The following LRRC75A variants were observed in gnomAD, a reference collection of about 807,000 sequenced individuals.
LRRC75A encodes leucine-rich repeat-containing protein 75A.
A neutral mutation model predicts 26.0 loss-of-function variants in LRRC75A; 12 were observed. The observed-to-expected ratio is 0.46, with a 90% CI of 0.30 to 0.75. The LOEUF (loss-of-function observed/expected upper bound fraction) is 0.75. Among genes scored for constraint, LRRC75A ranks in the 30% least tolerant of loss-of-function variants. The probability of loss-of-function intolerance (pLI) is 0.08; values close to 1 mark genes in which losing one functional copy is unlikely to be tolerated. For synonymous variants in LRRC75A, 223 were observed against 219.3 expected, an observed-to-expected ratio of 1.02 and a Z score of -0.15; for missense variants, 410 against 486.6, an observed-to-expected ratio of 0.84 and a Z score of 1.48.
chr17:16,450,537 G>A (rs552782660), intron 2 of LRRC75A, among the ~76,000 whole-genome samples: 1 of 152,228 alleles, frequency 6.6e-6, no homozygotes, highest in East Asian at 1.9e-4. Flanking sequence ...TGTCACTCCT[G>A]TGTGTCACTC....
At chr17:16,444,582 A>C (rs1187100796) in intron 3 of LRRC75A, among the ~76,000 whole-genome samples, 1 of 152,012 alleles carries the variant, frequency 6.6e-6, no homozygotes, top group Non-Finnish European at 1.5e-5. Context: ...CCCTCTTTCA[A>C]GACCATCTTC....
intron 1 of LRRC75A, among the ~76,000 whole-genome samples, chr17:16,487,349 T>C (rs991057995): frequency 2.0e-4 from 30 of 152,248 alleles, no homozygotes; most frequent in Non-Finnish European, 4.4e-4. Context: ...GAGGTCATTA[T>C]GCTCATCTTT....
intron 1 of LRRC75A, among the ~76,000 whole-genome samples, chr17:16,475,628 T>C (rs1386605855): frequency 6.6e-6 from 1 of 152,196 alleles, no homozygotes; most frequent in African/African-American, 2.4e-5. Flanking sequence ...CCTAGCTCAC[T>C]GCAGCCTGGA....
intron 2 of LRRC75A, among the ~76,000 whole-genome samples, chr17:16,458,812 T>C (rs920131649): frequency 1.3e-5 from 2 of 152,044 alleles, no homozygotes; most frequent in Non-Finnish European, 2.9e-5. Context: ...CCTGCAGCCC[T>C]GACCAATGTC....
At chr17:16,487,942 T>C (rs1364203832) in intron 1 of LRRC75A, among the ~76,000 whole-genome samples, 6 of 152,206 alleles carry the variant, frequency 3.9e-5, no homozygotes, top group Non-Finnish European at 7.3e-5. Context: ...CCTCTTCTCA[T>C]GGGAAAGCTG....
At chr17:16,471,393 C>T (rs1160450597) in intron 1 of LRRC75A, among the ~76,000 whole-genome samples, 4 of 152,178 alleles carry the variant, frequency 2.6e-5, no homozygotes, top group Admixed American at 2.0e-4. Flanking sequence ...TTACGGCAGC[C>T]CCAGGAAATG....
chr17:16,471,836 G>A (rs1000281348), intron 1 of LRRC75A, among the ~76,000 whole-genome samples: 2 of 152,204 alleles, frequency 1.3e-5, no homozygotes, highest in African/African-American at 4.8e-5. Context: ...ACTTACGTGA[G>A]GGACCAAGAG....
intron 1 of LRRC75A, among the ~76,000 whole-genome samples, chr17:16,469,213 G>C (rs1467975215): frequency 1.3e-5 from 2 of 152,028 alleles, no homozygotes; most frequent in African/African-American, 4.8e-5. Flanking sequence ...CAGCATCACC[G>C]CTCTCACTGC....
At chr17:16,455,862 C>A (rs1464986372) in intron 2 of LRRC75A, among the ~76,000 whole-genome samples, 1 of 152,210 alleles carries the variant, frequency 6.6e-6, no homozygotes, top group Admixed American at 6.5e-5. Flanking sequence ...GAAATCCTGT[C>A]TTTGGCTTAG....
In LRRC75A at chr17:16,467,012, G is replaced by A. The variant is rs190440163; in HGVS notation, c.247-4626C>T. 2.3e-3 allele frequency among the ~76,000 whole-genome samples: 344 copies of A among 152,278 alleles called. 1 individual carries two copies. Among genetic ancestry groups the A allele is most frequent in the South Asian group, 0.012 (60 of 4,822 alleles). ...CTGTCGCAAGACCCAGTGCAAAAGC[G>A]CAAGTCTGATAGCCGTCTTCTAGAA... On this transcript the variant is annotated intron_variant, in intron 1 of 3. Coordinates refer to ENST00000470794, the MANE Select transcript of LRRC75A (RefSeq NM_001113567.3).
rs2093858916 is a variant in LRRC75A, at chr17:16,492,108, G to C, written c.-118C>G. 1 of 922,518 alleles carries C rather than the reference G, an allele frequency of 1.1e-6. No individual in the cohort carries two copies. Among genetic ancestry groups the C allele is most frequent in the Admixed American group, 5.8e-5 (1 of 17,216 alleles). The allele number at this position is 922,518 out of a possible 1,614,324, so 57.1% of individuals were successfully genotyped here. On this transcript the variant is annotated 5_prime_UTR_variant, in exon 1 of 4. Coordinates refer to ENST00000470794, the MANE Select transcript of LRRC75A (RefSeq NM_001113567.3). ...CCCGGGCTGCAACTTTGGGGGAACTGTTGCGCGCGGGCGTCGCGGGGGCGG... is the reference window on the plus strand; with the variant it reads ...CCCGGGCTGCAACTTTGGGGGAACTCTTGCGCGCGGGCGTCGCGGGGGCGG...
intron 1 of LRRC75A, among the ~76,000 whole-genome samples, chr17:16,485,698 G>A (rs930779205): frequency 6.8e-6 from 1 of 147,222 alleles, no homozygotes; most frequent in Non-Finnish European, 1.5e-5. Context: ...GTGTGTATGC[G>A]TGGGCGCGCA....
chr17:16,461,659 G>A (rs2143128001), intron 2 of LRRC75A, among the ~76,000 whole-genome samples: 1 of 152,360 alleles, frequency 6.6e-6, no homozygotes, highest in East Asian at 1.9e-4. Context: ...AGCCTCAGAG[G>A]TGAAGACATC....
At chr17:16,447,397 C>G (rs2093595131) in intron 3 of LRRC75A, among the ~76,000 whole-genome samples, 1 of 152,134 alleles carries the variant, frequency 6.6e-6, no homozygotes, top group African/African-American at 2.4e-5. Flanking sequence ...CTCCACCTCC[C>G]TAGTTCAAGT....
chr17:16,464,255 T>C (rs188712446), intron 1 of LRRC75A, among the ~76,000 whole-genome samples: 8,953 of 152,224 alleles, frequency 0.059, 872 homozygotes, highest in African/African-American at 0.2. Context: ...ACCTGGGGGC[T>C]CAAGGTCTGT....
chr17:16,484,026 T>C (rs1269523649), intron 1 of LRRC75A, among the ~76,000 whole-genome samples: 2 of 152,220 alleles, frequency 1.3e-5, no homozygotes, highest in East Asian at 1.9e-4. Flanking sequence ...TTAAGCAACA[T>C]TGTGTCAACT....
At position 16,443,951 on chromosome 17, in the gene LRRC75A, T is replaced by G. The variant is rs552722291; in HGVS notation, c.672A>C (p.Pro224=). Residue 224 remains proline, a synonymous_variant, in exon 4 of 4, where the codon CCA becomes CCC. Coordinates refer to ENST00000470794, the MANE Select transcript of LRRC75A (RefSeq NM_001113567.3). ...LTDDMVLQLL[P]ALSTLPRLTT... is the part of the protein sequence containing the mutation. Reference sequence around the variant, plus strand: ...TGAGGCGGGGCAGGGTGCTGAGTGCTGGCAGCAGCTGCAGGACCATGTCGT... The same window carrying G: ...TGAGGCGGGGCAGGGTGCTGAGTGCGGGCAGCAGCTGCAGGACCATGTCGT... 1.9e-6 allele frequency: 3 copies of G among 1,613,374 alleles called. No individual in the cohort carries two copies. The highest frequency in any genetic ancestry group is 2.5e-6 in the Non-Finnish European group (3 of 1,179,990).
intron 2 of LRRC75A, among the ~76,000 whole-genome samples, chr17:16,451,348 G>A (rs1025711636): frequency 2.6e-5 from 4 of 152,122 alleles, no homozygotes; most frequent in African/African-American, 4.8e-5. Context: ...GGCCAGGCAC[G>A]GTGGCTCACG....
chr17:16,489,040 G>T (rs893003087), intron 1 of LRRC75A, among the ~76,000 whole-genome samples: 2 of 152,164 alleles, frequency 1.3e-5, no homozygotes, highest in African/African-American at 4.8e-5. Context: ...GGTTTCAGGG[G>T]CTTTGTGAAC....
Sources: gnomAD v4.1 joint callset for allele counts (sites outside exome capture counted in the v4.1 genomes callset) on GRCh38, gnomAD v4.1.1 for gene constraint, MANE v1.5 for transcripts, NCBI Gene and HGNC (gene_info 2026-07-23, HGNC 2026-07-21) for gene names.